Variants in NUMA1 observed in about 807,000 individuals in gnomAD.
The protein encoded by NUMA1 is nuclear mitotic apparatus protein 1.
Under a neutral mutation model 237.1 loss-of-function variants are expected in NUMA1, and 62 were observed. The observed-to-expected ratio is 0.26, with a 90% CI of 0.21 to 0.32. NUMA1 has a LOEUF of 0.32. NUMA1 is among the 10% of genes least tolerant of loss of function. NUMA1 has a pLI of 1.00. For synonymous variants in NUMA1, 1,028 were observed against 1,066.1 expected (o/e 0.96, Z 0.70); for missense variants, 2,533 against 2,666.5 (o/e 0.95, Z 1.10).
intron 3 of NUMA1, among the ~76,000 whole-genome samples, chr11:72,031,563 G>C (rs1461126369): frequency 1.3e-5 from 2 of 152,170 alleles, no homozygotes; most frequent in African/African-American, 4.8e-5. Flanking sequence ...GGGAGGCTGA[G>C]GTGGAAGGAC....
chr11:72,040,231 T>C (rs1941501173), intron 2 of NUMA1, among the ~76,000 whole-genome samples: 1 of 152,048 alleles, frequency 6.6e-6, no homozygotes, highest in Admixed American at 6.6e-5. Flanking sequence ...AGCCTAGAGT[T>C]TGGCACAGAA....
chr11:72,012,017 C>T (rs1474044894), intron 16 of NUMA1, among the ~76,000 whole-genome samples: 1 of 152,186 alleles, frequency 6.6e-6, no homozygotes. Context: ...TAAACAAGGC[C>T]GACACGGTAA....
chr11:72,051,239 A>T (rs1417725855), intron 2 of NUMA1, among the ~76,000 whole-genome samples: 1 of 152,160 alleles, frequency 6.6e-6, no homozygotes, highest in Non-Finnish European at 1.5e-5. Context: ...CATCAGAGAA[A>T]ATAAATCCTA....
intron 8 of NUMA1, chr11:72,020,399 T>A (rs1287323405): frequency 6.6e-6 from 1 of 152,144 alleles, no homozygotes; most frequent in Non-Finnish European, 1.5e-5. Context: ...CTTCTTACAT[T>A]CCTATCATCC....
chr11:72,023,009 C>T, intron 6 of NUMA1, 56 bp downstream of exon 6: 2 of 1,282,024 alleles, frequency 1.6e-6, no homozygotes, highest in Non-Finnish European at 2.3e-6. Flanking sequence ...CAGGGTCCCT[C>T]AGGTACCATC....
chr11:72,076,104 T>C (rs1943693960), intron 1 of NUMA1, among the ~76,000 whole-genome samples: 1 of 152,236 alleles, frequency 6.6e-6, no homozygotes, highest in African/African-American at 2.4e-5. Flanking sequence ...CTGGGTGAAG[T>C]GGCTCACGCC....
At chr11:72,075,024 A>C (rs1943642368) in intron 1 of NUMA1, among the ~76,000 whole-genome samples, 1 of 150,786 alleles carries the variant, frequency 6.6e-6, no homozygotes, top group African/African-American at 2.4e-5. Flanking sequence ...ACAGAGTGAG[A>C]CTCCATCTCA....
At position 72,024,258 on chromosome 11, in the gene NUMA1, T is replaced by G; in HGVS notation, c.208+16A>C. The G allele has an allele frequency of 6.2e-7, 1 of 1,612,846 alleles. No homozygotes were observed. The highest frequency in any genetic ancestry group is 8.5e-7 in the Non-Finnish European group (1 of 1,178,848). On this transcript the variant is annotated intron_variant, in intron 5 of 26. Coordinates refer to ENST00000393695, the MANE Select transcript of NUMA1 (RefSeq NM_006185.4). ...AGGAAGCAGCTTCTTCATAGCTGGA[T>G]AAGAAAGGTGCTTACTCTGCAGAAA...
Position 72,023,274 on chromosome 11 carries a change from C to CT in NUMA1, c.209-128dup, listed in dbSNP as rs1332364718. The CT allele has an allele frequency of 4.7e-5, 32 of 677,642 alleles. No individual in the cohort carries two copies. The East Asian group carries it at 7.9e-4, about 17-fold the overall frequency. The allele number at this position is 677,642 out of a possible 1,614,324, so 42.0% of individuals were successfully genotyped here. A position where few individuals can be genotyped will look rare whatever the true frequency, so the allele number is the denominator to read the frequency against. On this transcript the variant is annotated intron_variant, in intron 5 of 26. Coordinates refer to ENST00000393695, the MANE Select transcript of NUMA1 (RefSeq NM_006185.4). ...GGGCTATGAGATGTAGGCCTCCTTACTCCTATGGCCTCTTTCCCCTGCCTT... is the reference window on the plus strand; with the variant it reads ...GGGCTATGAGATGTAGGCCTCCTTACTTCCTATGGCCTCTTTCCCCTGCCTT...
intron 15 of NUMA1, among the ~76,000 whole-genome samples, 159 bp from the exon 16 acceptor site, chr11:72,012,601 A>G (rs968882417): frequency 1.3e-5 from 2 of 152,192 alleles, no homozygotes; most frequent in African/African-American, 4.8e-5. Flanking sequence ...TCTAATCCCC[A>G]GTGGCTCCTG....
chr11:72,033,436 A>T (rs1310706778), intron 3 of NUMA1, among the ~76,000 whole-genome samples: 1 of 150,774 alleles, frequency 6.6e-6, no homozygotes, highest in Non-Finnish European at 1.5e-5. Flanking sequence ...TAGTGGCACG[A>T]TCACAGCTCA....
chr11:72,069,738 T>C (rs996415783), intron 2 of NUMA1, 104 bp downstream of exon 2: 1 of 152,090 alleles, frequency 6.6e-6, no homozygotes, highest in African/African-American at 2.4e-5. Flanking sequence ...ACAAAGACAA[T>C]CACTTTGAAG....
chr11:72,024,900 GT>G (rs1939367715), intron 4 of NUMA1: 5 of 154,588 alleles, frequency 3.2e-5, no homozygotes, highest in African/African-American at 1.2e-4. Flanking sequence ...AGTGTTGTTT[GT>G]TTGTTTGTTT....
At chr11:72,037,439 G>C (rs890652966) in intron 2 of NUMA1, among the ~76,000 whole-genome samples, 16 of 152,168 alleles carry the variant, frequency 1.1e-4, no homozygotes, top group African/African-American at 3.1e-4. Flanking sequence ...CCGGGAGGCG[G>C]AGCTTGCAGT....
chr11:72,019,821 G>A (rs1455110854), intron 8 of NUMA1, among the ~76,000 whole-genome samples: 1 of 152,178 alleles, frequency 6.6e-6, no homozygotes, highest in African/African-American at 2.4e-5. Context: ...CCAAAATGAA[G>A]TGCAGGGCTT....
chr11:72,007,284 G>C lies in NUMA1; in HGVS notation c.5368C>G (p.Leu1790Val), dbSNP rs367864451. The change falls in exon 21 of 27, where the codon CTG becomes GTG. Residue 1790 changes from leucine (L) to valine (V), a missense_variant. Leu to Val is a conservative substitution (Grantham distance 32). Transcript: ENST00000393695. The part of the protein sequence containing the change: ...ARSQAPLESS[L>V]DSLGDVFLDS... ...AGGAAGACGTCTCCCAGGGAGTCCA[G>C]GCTGCTCTCCAGGGGGGCCTGACTC... The C allele has an allele frequency of 2.7e-5, 44 of 1,613,340 alleles. No individual in the cohort carries two copies. Among genetic ancestry groups the C allele is most frequent in the Non-Finnish European group, 3.7e-5 (44 of 1,179,858 alleles).
chr11:72,079,752 A>T (rs1343742939), intron 1 of NUMA1, among the ~76,000 whole-genome samples: 295 of 12,434 alleles, frequency 0.024, 2 homozygotes, highest in Middle Eastern at 0.17. Flanking sequence ...CAAAAATTAA[A>T]AAAAAAAAAA....
chr11:72,035,805 A>G, intron 3 of NUMA1, 97 bp downstream of exon 3: 1 of 1,069,186 alleles, frequency 9.4e-7, no homozygotes, highest in Non-Finnish European at 1.5e-6. Flanking sequence ...AGAAATGAGA[A>G]GACTTTACAT....
chr11:72,008,050 A>C (rs1590869220), intron 20 of NUMA1: 1 of 464,450 alleles, frequency 2.2e-6, no homozygotes, highest in South Asian at 1.6e-5. Context: ...CTGCCCCTCT[A>C]TGCCCCAGAT....
Sources: gnomAD v4.1 joint callset for allele counts (sites outside exome capture counted in the v4.1 genomes callset) on GRCh38, gnomAD v4.1.1 for gene constraint, MANE v1.5 for transcripts, NCBI Gene and HGNC (gene_info 2026-07-23, HGNC 2026-07-21) for gene names.